UNC13C: variants seen among roughly 807,000 people sequenced by gnomAD.
The protein encoded by UNC13C is protein unc-13 homolog C.
A neutral mutation model predicts 245.4 loss-of-function variants in UNC13C; 174 were observed. The ratio of observed to expected loss-of-function variants is 0.71; its 90% confidence interval spans 0.63 to 0.80. The LOEUF (loss-of-function observed/expected upper bound fraction) is 0.80, where lower values mean the gene tolerates loss of function less well. UNC13C is among the 30% of genes least tolerant of loss of function. The probability of loss-of-function intolerance (pLI) is 0.00; values close to 1 mark genes in which losing one functional copy is unlikely to be tolerated. For synonymous variants in UNC13C, 992 were observed against 895.1 expected (o/e 1.11, Z -1.93); for missense variants, 2,829 against 2,602.9 (o/e 1.09, Z -1.89).
intron 13 of UNC13C, among the ~76,000 whole-genome samples, chr15:54,304,852 T>C (rs1001594420): frequency 1.3e-5 from 2 of 152,072 alleles, no homozygotes; most frequent in African/African-American, 4.8e-5. Flanking sequence ...ATACAATCTC[T>C]ATTGTACCAA....
the UNC13C span, among the ~76,000 whole-genome samples, chr15:53,920,321 T>G: frequency 3.5e-4 from 53 of 152,190 alleles, no homozygotes; most frequent in African/African-American, 1.3e-3. Flanking sequence ...CACCTGTAAT[T>G]TCAGCACTTT....
At chr15:54,360,974 T>A (rs1466517396) in intron 17 of UNC13C, among the ~76,000 whole-genome samples, 1 of 152,178 alleles carries the variant, frequency 6.6e-6, no homozygotes, top group East Asian at 1.9e-4. Flanking sequence ...GCAATCTCTG[T>A]GTTTCTTGTA....
At chr15:54,446,199 T>C (rs1383451205) in intron 19 of UNC13C, among the ~76,000 whole-genome samples, 7 of 152,250 alleles carry the variant, frequency 4.6e-5, no homozygotes, top group Admixed American at 4.6e-4. Flanking sequence ...ACTATAGCCT[T>C]GTAGTATAGT....
At chr15:54,377,553 C>A (rs971729980) in intron 17 of UNC13C, among the ~76,000 whole-genome samples, 3 of 152,180 alleles carry the variant, frequency 2.0e-5, no homozygotes, top group Non-Finnish European at 4.4e-5. Context: ...TTAATCCATT[C>A]AGACTGTTAT....
intron 2 of UNC13C, among the ~76,000 whole-genome samples, chr15:54,085,963 A>G (rs1275307417): frequency 6.6e-6 from 1 of 152,244 alleles, no homozygotes; most frequent in Non-Finnish European, 1.5e-5. Context: ...TGTAATATAC[A>G]TATTTATGTG....
chr15:54,624,723 T>C (rs9806516), intron 32 of UNC13C, among the ~76,000 whole-genome samples: 23 of 152,236 alleles, frequency 1.5e-4, no homozygotes, highest in African/African-American at 5.5e-4. Flanking sequence ...AGTAGGGAGA[T>C]AGATGGAGAA....
At chr15:54,118,143 T>C (rs1163728161) in intron 2 of UNC13C, among the ~76,000 whole-genome samples, 1 of 152,146 alleles carries the variant, frequency 6.6e-6, no homozygotes, top group African/African-American at 2.4e-5. Flanking sequence ...TTTTGAGTTC[T>C]TACGTGGTTC....
chr15:54,465,721 T>C (rs1892129853), intron 19 of UNC13C, among the ~76,000 whole-genome samples: 2 of 152,042 alleles, frequency 1.3e-5, no homozygotes, highest in Admixed American at 6.6e-5. Flanking sequence ...ATGACAGATA[T>C]TCGGCTAACA....
At chr15:53,879,462 C>G in the UNC13C span, among the ~76,000 whole-genome samples, 72 of 152,098 alleles carry the variant, frequency 4.7e-4, 1 homozygote, top group South Asian at 0.015. Flanking sequence ...TATACCCAGC[C>G]CTTTTTCAAT....
chr15:54,426,112 T>G (rs1435115968), intron 19 of UNC13C, among the ~76,000 whole-genome samples: 1 of 151,714 alleles, frequency 6.6e-6, no homozygotes, highest in Non-Finnish European at 1.5e-5. Context: ...CATAATCTTT[T>G]GTCTTAAGGT....
At chr15:54,405,995 G>T (rs761822412) in intron 18 of UNC13C, among the ~76,000 whole-genome samples, 2 of 4,114 alleles carry the variant, frequency 4.9e-4, no homozygotes, top group African/African-American at 2.2e-3. Context: ...AGAGAAGTGT[G>T]GGGGGGGAAA....
At chr15:54,558,203 G>A (rs1452546426) in intron 29 of UNC13C, among the ~76,000 whole-genome samples, 1 of 152,058 alleles carries the variant, frequency 6.6e-6, no homozygotes, top group Non-Finnish European at 1.5e-5. Context: ...GTATACATAT[G>A]TAACTAACCT....
intron 2 of UNC13C, among the ~76,000 whole-genome samples, chr15:54,076,063 C>CT (rs369248247): frequency 0.66 from 81,868 of 124,542 alleles, 28,927 homozygotes; most frequent in Non-Finnish European, 0.79. Context: ...CACTTAGATT[C>CT]TTTTTTTTTT....
chr15:54,623,873 A>G lies in UNC13C; in HGVS notation c.6278A>G (p.Asn2093Ser), dbSNP rs187339294. 9.6e-4 allele frequency: 1,552 copies of G among 1,613,258 alleles called. 13 individuals carry two copies. In the African/African-American group the frequency reaches 0.018, roughly 19 times the overall value. The change falls in exon 32 of 33, where the codon AAC becomes AGC. Residue 2093 changes from asparagine (N) to serine (S), a missense_variant. Asn to Ser is a conservative substitution (Grantham distance 46). Transcript: ENST00000260323. ...GTGGAAGTTTGTATACTGGGACCCA[A>G]CCTTGGAGACAAGAAGAGAAAACAA... Reference protein sequence around the residue: ...PFVEVCILGPNLGDKKRKQGT... With the variant: ...PFVEVCILGPSLGDKKRKQGT...
Position 54,409,470 on chromosome 15 carries a change from C to T in UNC13C, c.4848-5512C>T, listed in dbSNP as rs945623971. ...TGGGGGTTTGATATACAAATTATTC[C>T]ATCACCCAGATGATAAGCATAGTAG... is the stretch of plus-strand genomic sequence containing the variant. On this transcript the variant is annotated intron_variant, in intron 18 of 32. Transcript: ENST00000260323. 3.9e-5 allele frequency among the ~76,000 whole-genome samples: 6 copies of T among 152,080 alleles called. No individual in the cohort carries two copies. In the East Asian group the frequency reaches 7.7e-4, roughly 20 times the overall value.
chr15:54,479,497 A>G (rs1158441281), intron 19 of UNC13C, among the ~76,000 whole-genome samples: 2 of 152,094 alleles, frequency 1.3e-5, no homozygotes, highest in African/African-American at 4.8e-5. Flanking sequence ...TAGGCAGCAT[A>G]CAGTCAGATT....
At position 54,013,245 on chromosome 15, in the gene UNC13C, G is replaced by A. The variant is rs958254695; in HGVS notation, c.342G>A (p.Glu114=). The A allele has an allele frequency of 1.2e-6, 2 of 1,613,690 alleles. No homozygotes were observed. The highest frequency in any genetic ancestry group is 1.7e-6 in the Non-Finnish European group (2 of 1,179,810). The change falls in exon 2 of 33, where the codon GAG becomes GAA. Residue 114 remains glutamate (E), a synonymous_variant. Coordinates refer to ENST00000260323, the MANE Select transcript of UNC13C (RefSeq NM_001080534.3). ...KNAKVTNSDN[E]DLLQELSSIE... ...CTAAAGTAACCAACAGTGATAATGA[G>A]GATCTGCTTCAAGAGCTCTCTTCAA...
At chr15:54,304,255 C>T (rs2037664456) in intron 13 of UNC13C, among the ~76,000 whole-genome samples, 1 of 151,968 alleles carries the variant, frequency 6.6e-6, no homozygotes, top group Non-Finnish European at 1.5e-5. Flanking sequence ...GCATGAGGGC[C>T]ATAGATTCAC....
chr15:54,030,776 GA>G (rs149968359), intron 2 of UNC13C, among the ~76,000 whole-genome samples: 6,009 of 152,194 alleles, frequency 0.039, 255 homozygotes, highest in East Asian at 0.17. Context: ...CTTCCAGAAA[GA>G]AAAAAACACT....
Sources: gnomAD v4.1 joint callset for allele counts (sites outside exome capture counted in the v4.1 genomes callset) on GRCh38, gnomAD v4.1.1 for gene constraint, MANE v1.5 for transcripts, NCBI Gene and HGNC (gene_info 2026-07-23, HGNC 2026-07-21) for gene names.